The following IFI27L1 variants were observed in gnomAD, a reference collection of about 807,000 sequenced individuals.
The protein encoded by IFI27L1 is interferon alpha inducible protein 27 like 1, also known as interferon alpha-inducible protein 27-like protein 1.
IFI27L1 carries 3 observed loss-of-function variants against 9.2 expected under a neutral mutation model. That is an observed-to-expected ratio of 0.32 (90% CI 0.15 to 0.84). The LOEUF (loss-of-function observed/expected upper bound fraction) is 0.84. IFI27L1 is among the 40% of genes least tolerant of loss of function. IFI27L1 has a pLI of 0.56. For missense variants in IFI27L1, 133 were observed against 134.2 expected, an observed-to-expected ratio of 0.99 and a Z score of 0.05; for synonymous variants, 53 against 50.0, an observed-to-expected ratio of 1.06 and a Z score of -0.26.
chr14:94,096,951 G>A lies in IFI27L1; in HGVS notation c.14G>A (p.Ser5Asn), dbSNP rs199552645. ...AAGGGGCCAACCATGGGAAAGGAGA[G>A]TGGATGGGACTCAGGTGGGTACTGC... MGKE[S>N]GWDSGRAAVA... Residue 5 changes from serine (S) to asparagine (N), a missense_variant, in exon 2 of 5, where the codon AGT becomes AAT. Physicochemically the swap from Ser to Asn is conservative, Grantham distance 46. Transcript: ENST00000555523. 8.1e-6 allele frequency: 13 copies of A among 1,613,644 alleles called. No individual in the cohort carries two copies. In the African/African-American group the frequency reaches 1.7e-4, roughly 22 times the overall value.
At chr14:94,089,847 A>G (rs376910684) in intron 1 of IFI27L1, among the ~76,000 whole-genome samples, 1 of 152,128 alleles carries the variant, frequency 6.6e-6, no homozygotes, top group African/African-American at 2.4e-5. Context: ...CTGCCTAACT[A>G]TTAGGGTCTC....
chr14:94,090,574 G>C (rs924927962), intron 1 of IFI27L1, among the ~76,000 whole-genome samples: 22 of 152,154 alleles, frequency 1.4e-4, no homozygotes, highest in Admixed American at 9.8e-4. Context: ...ACGAGTTTGG[G>C]TAAATTCCTC....
chr14:94,099,819 A>G (rs1037503678), intron 2 of IFI27L1, among the ~76,000 whole-genome samples: 1 of 147,168 alleles, frequency 6.8e-6, no homozygotes, highest in African/African-American at 2.6e-5. Flanking sequence ...TAGGGAGGGT[A>G]CCATTTTGTT....
chr14:94,102,639 T>G lies in IFI27L1; in HGVS notation c.*71T>G. 1 of 850,940 alleles carries G rather than the reference T, an allele frequency of 1.2e-6. No homozygotes were observed. The highest frequency in any genetic ancestry group is 1.8e-6 in the Non-Finnish European group (1 of 560,478). 52.7% of individuals were successfully genotyped at this position (850,940 alleles called of 1,614,324 possible). A position where few individuals can be genotyped will look rare whatever the true frequency, so the allele number is the denominator to read the frequency against. On this transcript the variant is annotated 3_prime_UTR_variant, in exon 5 of 5. Coordinates refer to ENST00000555523, the MANE Select transcript of IFI27L1 (RefSeq NM_206949.3). ...TTCCTGGGCCTCTGGATGACAATCT[T>G]CCAAAGGACAAGTCTCCTACTCCCA...
intron 4 of IFI27L1, among the ~76,000 whole-genome samples, chr14:94,102,236 CA>C (rs1567073407): frequency 6.6e-6 from 1 of 152,172 alleles, no homozygotes; most frequent in African/African-American, 2.4e-5. Flanking sequence ...TGCCATTTCT[CA>C]GAGGGTCTGC....
chr14:94,084,943 C>A (rs910062144), intron 1 of IFI27L1, among the ~76,000 whole-genome samples: 3 of 152,060 alleles, frequency 2.0e-5, no homozygotes, highest in Admixed American at 1.3e-4. Flanking sequence ...TCTTTTAATT[C>A]CTGTTCCAAT....
chr14:94,101,107 G>A (rs1308760470), intron 3 of IFI27L1: 1 of 522,392 alleles, frequency 1.9e-6, no homozygotes, highest in Non-Finnish European at 3.4e-6. Flanking sequence ...TTTGAAGGGA[G>A]TATGTCAGCT....
At chr14:94,087,280 A>G (rs932428181) in intron 1 of IFI27L1, among the ~76,000 whole-genome samples, 9 of 152,188 alleles carry the variant, frequency 5.9e-5, no homozygotes, top group Non-Finnish European at 1.3e-4. Flanking sequence ...TTTTTGTGTA[A>G]GGTTGTGATG....
intron 2 of IFI27L1, chr14:94,097,642 G>A: frequency 1.4e-6 from 1 of 702,352 alleles, no homozygotes; most frequent in Non-Finnish European, 2.6e-6. Flanking sequence ...TGGAGCTGCA[G>A]AAGTATGAGG....
chr14:94,099,660 C>T (rs549919129), intron 2 of IFI27L1, among the ~76,000 whole-genome samples: 1 of 152,228 alleles, frequency 6.6e-6, no homozygotes, highest in African/African-American at 2.4e-5. Flanking sequence ...TGTTTGAAGC[C>T]ACCCAGGTTG....
chr14:94,089,408 C>T (rs73351228), intron 1 of IFI27L1: 34,509 of 152,004 alleles, frequency 0.23, 4,557 homozygotes, highest in East Asian at 0.43. Context: ...CTTGATGTTG[C>T]CATGGCGTTT....
intron 2 of IFI27L1, chr14:94,100,151 T>A (rs905842865): frequency 6.0e-6 from 2 of 331,862 alleles, no homozygotes; most frequent in Non-Finnish European, 8.6e-6. Flanking sequence ...TGAGTAGGGA[T>A]TGATATCATC....
At chr14:94,102,368 C>A (rs876851) in intron 4 of IFI27L1, 109 bp from the exon 5 acceptor site, 1 of 647,154 alleles carries the variant, frequency 1.5e-6, no homozygotes, top group Non-Finnish European at 2.6e-6. Flanking sequence ...CAGGGTTGGA[C>A]TGCCTGGGCC....
chr14:94,096,925 G>A lies in IFI27L1; in HGVS notation c.-13G>A, dbSNP rs1055147500. 7 of 1,613,380 alleles carry A rather than the reference G, an allele frequency of 4.3e-6. No homozygotes were observed. The highest frequency in any genetic ancestry group is 1.7e-5 in the Admixed American group (1 of 59,984). On this transcript the variant is annotated 5_prime_UTR_variant, in exon 2 of 5. Transcript: ENST00000555523. ...AATCCGAGTGGAGGCTCACCGAGGC[G>A]AAGGGGCCAACCATGGGAAAGGAGA...
chr14:94,098,573 C>T (rs748763), intron 2 of IFI27L1, among the ~76,000 whole-genome samples: 75,710 of 151,992 alleles, frequency 0.5, 20,296 homozygotes, highest in African/African-American at 0.71. Flanking sequence ...CAATTCAACC[C>T]GCAACAAAGA....
chr14:94,086,259 C>T (rs975721248), intron 1 of IFI27L1, among the ~76,000 whole-genome samples: 7 of 152,166 alleles, frequency 4.6e-5, no homozygotes, highest in Non-Finnish European at 7.3e-5. Context: ...CTGCCATGAT[C>T]GTAAGCTTCC....
At chr14:94,102,389 G>T (rs1377319302) in intron 4 of IFI27L1, 88 bp from the exon 5 acceptor site, 8 of 778,038 alleles carry the variant, frequency 1.0e-5, no homozygotes, top group Non-Finnish European at 1.6e-5. Flanking sequence ...TCAGGTCTCT[G>T]GAGGGACCAG....
intron 3 of IFI27L1, 121 bp from the exon 4 acceptor site, chr14:94,101,693 C>T (rs1886902096): frequency 2.0e-6 from 2 of 978,588 alleles, no homozygotes; most frequent in African/African-American, 1.6e-5. Context: ...GGGATCCCAT[C>T]CCTGCTCAGT....
At chr14:94,084,049 G>A (rs1886198989) in intron 1 of IFI27L1, among the ~76,000 whole-genome samples, 1 of 152,102 alleles carries the variant, frequency 6.6e-6, no homozygotes, top group African/African-American at 2.4e-5. Context: ...GGAAACATAG[G>A]TATTTTTTTT....
Sources: gnomAD v4.1 joint callset for allele counts (sites outside exome capture counted in the v4.1 genomes callset) on GRCh38, gnomAD v4.1.1 for gene constraint, MANE v1.5 for transcripts, NCBI Gene and HGNC (gene_info 2026-07-23, HGNC 2026-07-21) for gene names.